LEKR1: variants seen among roughly 807,000 people sequenced by gnomAD.
LEKR1 encodes the protein leucine, glutamate and lysine rich 1.
In LEKR1, 59 loss-of-function variants were observed where a neutral mutation model predicts 72.4. The ratio of observed to expected loss-of-function variants is 0.82; its 90% CI spans 0.66 to 1.01. The LOEUF is 1.01. Ranked by LOEUF, LEKR1 falls within the 50% of genes least tolerant of loss-of-function variation. The pLI, the probability that LEKR1 is intolerant of heterozygous loss-of-function variation, is 0.00. For synonymous variants in LEKR1, 257 were observed against 263.2 expected, an observed-to-expected ratio of 0.98 and a Z score of 0.23; for missense variants, 728 against 759.2, an observed-to-expected ratio of 0.96 and a Z score of 0.48.
chr3:156,851,584 A>G (rs1715370375), intron 2 of LEKR1, among the ~76,000 whole-genome samples: 1 of 152,206 alleles, frequency 6.6e-6, no homozygotes, highest in Non-Finnish European at 1.5e-5. Context: ...TGATATAATC[A>G]TTAATCTATA....
chr3:156,979,262 A>G lies in LEKR1; in HGVS notation c.814A>G (p.Lys272Glu), dbSNP rs1361216130. ...GGCGGTGACAGAGATGGACAACTAT[A>G]AAGAAATGCTTATGTAAGATGGAGA... ...QKAVTEMDNYKEMLMNKSNEA... is the reference protein window; with the variant it reads ...QKAVTEMDNYEEMLMNKSNEA... Residue 272 changes from lysine to glutamate, a missense_variant, in exon 7 of 13, where the codon AAA becomes GAA. Lys to Glu is a moderately conservative substitution (Grantham distance 56). Coordinates refer to ENST00000356539, the MANE Select transcript of LEKR1 (RefSeq NM_001004316.3). 2 of 1,280,954 alleles carry G rather than the reference A, an allele frequency of 1.6e-6. No homozygotes were observed. The highest frequency in any genetic ancestry group is 5.6e-5 in the East Asian group (1 of 18,002). 79.3% of individuals were successfully genotyped at this position (1,280,954 alleles called of 1,614,324 possible).
intron 2 of LEKR1, among the ~76,000 whole-genome samples, chr3:156,848,571 T>G (rs1382253010): frequency 6.6e-6 from 1 of 152,214 alleles, no homozygotes; most frequent in Non-Finnish European, 1.5e-5. Flanking sequence ...TTTGTCATAA[T>G]ATTCCTGAAG....
chr3:156,849,189 C>A (rs1400033966), intron 2 of LEKR1, among the ~76,000 whole-genome samples: 1 of 152,072 alleles, frequency 6.6e-6, no homozygotes, highest in African/African-American at 2.4e-5. Flanking sequence ...ACCTAGGAAT[C>A]CAACTTACAA....
chr3:156,990,667 T>A (rs1171360820), intron 7 of LEKR1, among the ~76,000 whole-genome samples: 3 of 152,232 alleles, frequency 2.0e-5, no homozygotes, highest in African/African-American at 7.2e-5. Context: ...TATAATTTAT[T>A]ACTGTACTGA....
chr3:156,917,180 T>G (rs1408952362), intron 3 of LEKR1, among the ~76,000 whole-genome samples: 1 of 151,868 alleles, frequency 6.6e-6, no homozygotes, highest in Non-Finnish European at 1.5e-5. Context: ...TTTAATAGGA[T>G]GGAAGATAAT....
chr3:156,980,453 G>C (rs899992843), intron 7 of LEKR1, among the ~76,000 whole-genome samples: 1 of 148,760 alleles, frequency 6.7e-6, no homozygotes, highest in African/African-American at 2.5e-5. Context: ...CTGTGTAGAT[G>C]GCTGGGGTTG....
At chr3:156,960,356 G>T in intron 6 of LEKR1, among the ~76,000 whole-genome samples, 1 of 152,268 alleles carries the variant, frequency 6.6e-6, no homozygotes, top group East Asian at 1.9e-4. Flanking sequence ...CGCGATCTCG[G>T]CTCACTGCAA....
intron 3 of LEKR1, among the ~76,000 whole-genome samples, chr3:156,906,516 A>G (rs111486401): frequency 2.4e-4 from 37 of 152,210 alleles, no homozygotes; most frequent in African/African-American, 7.7e-4. Context: ...CCTTACATCA[A>G]CATAGTGTTC....
chr3:156,865,551 C>T (rs960851474), intron 3 of LEKR1, among the ~76,000 whole-genome samples: 2 of 152,026 alleles, frequency 1.3e-5, no homozygotes, highest in African/African-American at 2.4e-5. Context: ...CATTCAACCA[C>T]GATGCTAGTC....
At chr3:156,859,784 C>T (rs1202318843) in intron 3 of LEKR1, among the ~76,000 whole-genome samples, 1 of 152,230 alleles carries the variant, frequency 6.6e-6, no homozygotes, top group African/African-American at 2.4e-5. Context: ...TATGCATCCT[C>T]CTTCCCCGTT....
intron 3 of LEKR1, among the ~76,000 whole-genome samples, chr3:156,877,426 C>A (rs1718736893): frequency 6.6e-6 from 1 of 152,098 alleles, no homozygotes; most frequent in African/African-American, 2.4e-5. Flanking sequence ...GAGAATTCAG[C>A]TGTGAACCCA....
intron 2 of LEKR1, among the ~76,000 whole-genome samples, chr3:156,848,004 C>G (rs1321706580): frequency 1.3e-5 from 2 of 152,170 alleles, no homozygotes; most frequent in Non-Finnish European, 2.9e-5. Flanking sequence ...CTCCACCCAT[C>G]AAGAGTTTTC....
intron 7 of LEKR1, among the ~76,000 whole-genome samples, chr3:156,986,275 G>A (rs1439134308): frequency 6.6e-6 from 1 of 152,214 alleles, no homozygotes; most frequent in East Asian, 1.9e-4. Flanking sequence ...TATAAGGAGA[G>A]CAATGGGAAG....
At position 156,970,919 on chromosome 3, in the gene LEKR1, G is replaced by T. The variant is rs530608669; in HGVS notation, c.746-8275G>T. ...CATGAAAATGGCCATACTGCCCAAG[G>T]TAATCTATAGATTCAATGCCATCCC... On this transcript the variant is annotated intron_variant, in intron 6 of 12. Coordinates refer to ENST00000356539, the MANE Select transcript of LEKR1 (RefSeq NM_001004316.3). 3.0e-3 allele frequency among the ~76,000 whole-genome samples: 461 copies of T among 151,950 alleles called. 6 individuals carry two copies. The highest frequency in any genetic ancestry group is 0.011 in the African/African-American group (436 of 41,442).
chr3:156,842,338 T>C (rs1340347342), intron 2 of LEKR1, among the ~76,000 whole-genome samples: 1 of 151,796 alleles, frequency 6.6e-6, no homozygotes, highest in Non-Finnish European at 1.5e-5. Context: ...CAGTGACAGG[T>C]CTTTCAAAGG....
chr3:157,024,946 C>A, intron 11 of LEKR1, 22 bp downstream of exon 11: 1 of 1,493,938 alleles, frequency 6.7e-7, no homozygotes, highest in Non-Finnish European at 9.2e-7. Context: ...TGATGTTCAT[C>A]ATTATTTAAT....
chr3:156,842,179 T>C (rs968117019), intron 2 of LEKR1, among the ~76,000 whole-genome samples: 1 of 152,228 alleles, frequency 6.6e-6, no homozygotes, highest in South Asian at 2.1e-4. Flanking sequence ...GCTGATTAGA[T>C]ATATAGCTTA....
intron 11 of LEKR1, among the ~76,000 whole-genome samples, chr3:157,026,777 CAAT>C (rs1734218316): frequency 6.6e-6 from 1 of 152,130 alleles, no homozygotes; most frequent in Non-Finnish European, 1.5e-5. Context: ...TATAACATGA[CAAT>C]AATTGAGCAT....
At position 156,862,222 on chromosome 3, in the gene LEKR1, C is replaced by A. The variant is rs116040876; in HGVS notation, c.263+9240C>A. Among the ~76,000 whole-genome samples the A allele has an allele frequency of 4.2e-3, 639 of 152,046 alleles. 2 individuals carry two copies. The highest frequency in any genetic ancestry group is 0.015 in the African/African-American group (617 of 41,494). Reference sequence around the variant, plus strand: ...TTCTGCTTTGTCTTTTTAAGGCATTCTTTTTCTCCCAAAGCTTTTTAATCA... The same window carrying A: ...TTCTGCTTTGTCTTTTTAAGGCATTATTTTTCTCCCAAAGCTTTTTAATCA... On this transcript the variant is annotated intron_variant, in intron 3 of 12. Transcript: ENST00000356539.
Sources: allele counts gnomAD v4.1 joint callset (sites outside exome capture counted in the v4.1 genomes callset), GRCh38; gene constraint gnomAD v4.1.1; transcripts MANE v1.5; gene names NCBI Gene and HGNC (gene_info 2026-07-23, HGNC 2026-07-21).